Variants in PACRG observed in about 807,000 individuals in gnomAD.
PACRG encodes parkin coregulated.
Under a neutral mutation model 29.7 loss-of-function variants are expected in PACRG, and 29 were observed. That is an observed-to-expected ratio of 0.98 (90% confidence interval 0.73 to 1.33). The LOEUF is 1.33. Ranked by LOEUF, PACRG falls within the 40% of genes most tolerant of loss-of-function variation. The probability of loss-of-function intolerance (pLI) is 0.00; values close to 1 mark genes in which losing one functional copy is unlikely to be tolerated. For synonymous variants in PACRG, 116 were observed against 118.7 expected, an observed-to-expected ratio of 0.98 and a Z score of 0.15; for missense variants, 279 against 316.2, an observed-to-expected ratio of 0.88 and a Z score of 0.89.
Position 162,874,149 on chromosome 6 carries a change from A to AT in PACRG, c.291+59868_291+59869insT, listed in dbSNP as rs547779237. On this transcript the variant is annotated intron_variant, in intron 2 of 4. Transcript: ENST00000366888. ...AAAACATGAGGGAGTTAAAAAAAAA[A>AT]AAATATATATATATATATGTATATA... is the stretch of plus-strand genomic sequence containing the variant. 7.8e-3 allele frequency among the ~76,000 whole-genome samples: 844 copies of AT among 107,888 alleles called. 7 individuals are homozygous for AT. Among genetic ancestry groups the AT allele is most frequent in the Middle Eastern group, 0.021 (4 of 190 alleles). The allele number at this position is 107,888 out of a possible 152,430, so 70.8% of individuals were successfully genotyped here.
At chr6:163,243,376 G>A (rs1374766964) in intron 4 of PACRG, among the ~76,000 whole-genome samples, 3 of 152,202 alleles carry the variant, frequency 2.0e-5, no homozygotes, top group Admixed American at 6.5e-5. Context: ...GAATGTTCAC[G>A]TACACTCTGT....
At chr6:163,126,626 G>A (rs948463738) in intron 4 of PACRG, among the ~76,000 whole-genome samples, 1 of 152,086 alleles carries the variant, frequency 6.6e-6, no homozygotes, top group African/African-American at 2.4e-5. Context: ...AGAAAGCAAT[G>A]GCGAAAGAAT....
At chr6:162,909,769 C>A (rs1430436110) in intron 2 of PACRG, among the ~76,000 whole-genome samples, 1 of 151,996 alleles carries the variant, frequency 6.6e-6, no homozygotes, top group Middle Eastern at 3.2e-3. Flanking sequence ...AGAGTAAGGG[C>A]CATGAATTAT....
intron 3 of PACRG, among the ~76,000 whole-genome samples, chr6:163,077,460 A>G (rs1258699463): frequency 6.6e-6 from 1 of 152,226 alleles, no homozygotes; most frequent in Non-Finnish European, 1.5e-5. Context: ...TTTACCAAGC[A>G]AAATATTCTG....
chr6:162,923,309 C>G (rs529123569), intron 2 of PACRG, among the ~76,000 whole-genome samples: 3 of 152,224 alleles, frequency 2.0e-5, no homozygotes, highest in East Asian at 3.9e-4. Flanking sequence ...TAAATATTTT[C>G]TCCTATTCTG....
intron 4 of PACRG, chr6:163,100,812 G>A (rs1318605476): frequency 2.0e-6 from 2 of 985,012 alleles, no homozygotes. Flanking sequence ...TAAATGTGGA[G>A]TTGAAAAATG....
chr6:163,179,198 G>A (rs1779528279), intron 4 of PACRG: 1 of 455,844 alleles, frequency 2.2e-6, no homozygotes, highest in African/African-American at 2.0e-5. Flanking sequence ...CTCCTCACAT[G>A]TGCGTCTTAT....
chr6:163,263,481 G>A (rs1199009478), intron 4 of PACRG, among the ~76,000 whole-genome samples: 1 of 152,144 alleles, frequency 6.6e-6, no homozygotes, highest in East Asian at 1.9e-4. Context: ...ACAGTGAAAG[G>A]TCAAGTCTGT....
At chr6:163,016,603 G>T (rs1296274122) in intron 2 of PACRG, among the ~76,000 whole-genome samples, 1 of 152,094 alleles carries the variant, frequency 6.6e-6, no homozygotes, top group South Asian at 2.1e-4. Flanking sequence ...TGGTTCCAAA[G>T]ATGAATATGG....
At chr6:163,132,346 A>G (rs1307921222) in intron 4 of PACRG, among the ~76,000 whole-genome samples, 1 of 152,228 alleles carries the variant, frequency 6.6e-6, no homozygotes, top group Non-Finnish European at 1.5e-5. Context: ...TCCTAGCACC[A>G]TAAGATGATC....
intron 1 of PACRG, among the ~76,000 whole-genome samples, chr6:162,790,988 G>A (rs1330521037): frequency 2.0e-5 from 3 of 152,158 alleles, no homozygotes; most frequent in African/African-American, 4.8e-5. Context: ...AGAAACATAT[G>A]TATTTAAAGA....
At chr6:162,791,910 T>C (rs1490143240) in intron 1 of PACRG, among the ~76,000 whole-genome samples, 1 of 152,138 alleles carries the variant, frequency 6.6e-6, no homozygotes, top group East Asian at 1.9e-4. Context: ...TCCTGTGTGA[T>C]GTTTCACATG....
At chr6:163,282,746 AAAGG>A (rs1784262542) in intron 4 of PACRG, among the ~76,000 whole-genome samples, 1 of 151,990 alleles carries the variant, frequency 6.6e-6, no homozygotes, top group Admixed American at 6.6e-5. Context: ...AATTCATCTT[AAAGG>A]TTTTGGATTT....
chr6:163,067,418 A>G (rs1004923857), intron 3 of PACRG, among the ~76,000 whole-genome samples: 4 of 152,212 alleles, frequency 2.6e-5, no homozygotes, highest in African/African-American at 9.6e-5. Context: ...GGATCAGGAG[A>G]TACTGCATTG....
At chr6:163,234,401 T>C (rs578020669) in intron 4 of PACRG, among the ~76,000 whole-genome samples, 52 of 152,280 alleles carry the variant, frequency 3.4e-4, no homozygotes, top group African/African-American at 1.1e-3. Flanking sequence ...GCTTCCTCTC[T>C]GGCCATGTGA....
intron 1 of PACRG, among the ~76,000 whole-genome samples, chr6:162,734,809 A>G (rs767829379): frequency 1.3e-5 from 2 of 152,218 alleles, no homozygotes; most frequent in African/African-American, 2.4e-5. Flanking sequence ...CTTGGTGAAT[A>G]TCAAACCAAA....
At chr6:162,838,849 T>C (rs1353589793) in intron 2 of PACRG, among the ~76,000 whole-genome samples, 2 of 149,016 alleles carry the variant, frequency 1.3e-5, no homozygotes, top group Admixed American at 1.3e-4. Context: ...GGTGTTTGGT[T>C]TTTTGTTCTT....
At chr6:162,984,011 TTTTTTCTTTAAAAATTTTTTTTA>T (rs1186858619) in intron 2 of PACRG, among the ~76,000 whole-genome samples, 1 of 151,248 alleles carries the variant, frequency 6.6e-6, no homozygotes, top group East Asian at 1.9e-4. Flanking sequence ...TTTAAAATTC[TTTTTTCTTTAAAAATTTTTTTTA>T]TTTCAATAGG....
chr6:163,245,905 A>G lies in PACRG; in HGVS notation c.614-68922A>G, dbSNP rs138588968. ...GTTATCTTGAAGTCCTCATTCCTTC[A>G]CCTTTACCTCCTACCTCCAAATTCT... On this transcript the variant is annotated intron_variant, in intron 4 of 4. Transcript: ENST00000366888. Among the ~76,000 whole-genome samples the G allele has an allele frequency of 2.0e-5, 3 of 152,118 alleles. No homozygotes were observed. In the East Asian group the frequency reaches 5.8e-4, roughly 29 times the overall value.
Sources: allele counts gnomAD v4.1 joint callset (sites outside exome capture counted in the v4.1 genomes callset), GRCh38; gene constraint gnomAD v4.1.1; transcripts MANE v1.5; gene names NCBI Gene and HGNC (gene_info 2026-07-23, HGNC 2026-07-21).